The following CEP112 variants were observed in gnomAD, a reference collection of about 807,000 sequenced individuals.
CEP112 encodes centrosomal protein 112, also known as centrosomal protein of 112 kDa.
In CEP112, 127 loss-of-function variants were observed where a neutral mutation model predicts 153.0. The ratio of observed to expected loss-of-function variants is 0.83; its 90% CI spans 0.72 to 0.96. The LOEUF is 0.96. Ranked by LOEUF, CEP112 falls within the 40% of genes least tolerant of loss-of-function variation. The pLI, the probability that CEP112 is intolerant of heterozygous loss-of-function variation, is 0.00. For missense variants in CEP112, 1,089 were observed against 1,101.2 expected (o/e 0.99, Z 0.16); for synonymous variants, 358 against 374.4 (o/e 0.96, Z 0.51).
chr17:65,828,010 A>C (rs930389971), intron 21 of CEP112, among the ~76,000 whole-genome samples: 3 of 152,206 alleles, frequency 2.0e-5, no homozygotes, highest in Non-Finnish European at 4.4e-5. Context: ...ACACTTAAAA[A>C]AATTCTATAT....
At chr17:65,922,805 C>A (rs2060781768) in intron 19 of CEP112, among the ~76,000 whole-genome samples, 1 of 152,066 alleles carries the variant, frequency 6.6e-6, no homozygotes, top group Non-Finnish European at 1.5e-5. Flanking sequence ...ACAAAATTAC[C>A]TCAATTATAC....
chr17:65,650,035 C>T (rs548342332), intron 24 of CEP112, among the ~76,000 whole-genome samples: 2 of 152,344 alleles, frequency 1.3e-5, no homozygotes, highest in East Asian at 1.9e-4. Flanking sequence ...CACCTGCTAA[C>T]CTCCTGCAAC....
chr17:65,668,996 C>T (rs1370889978), intron 24 of CEP112, among the ~76,000 whole-genome samples: 1 of 152,182 alleles, frequency 6.6e-6, no homozygotes, highest in African/African-American at 2.4e-5. Context: ...TAATGTGTGA[C>T]AATTTCAACG....
At chr17:65,821,490 A>G (rs894971994) in intron 21 of CEP112, among the ~76,000 whole-genome samples, 1 of 131,328 alleles carries the variant, frequency 7.6e-6, no homozygotes, top group African/African-American at 2.9e-5. Flanking sequence ...AAACTTATAT[A>G]TATAATTATA....
In CEP112 at chr17:66,183,181, A is replaced by C. The variant is rs564890959; in HGVS notation, c.106+13T>G. ...ATTAATCTTAAGAATCTAATCTTCA[A>C]ACATAATCTTACCTGTCCTATGAGG... On this transcript the variant is annotated intron_variant, in intron 2 of 26. Coordinates refer to ENST00000535342, the MANE Select transcript of CEP112 (RefSeq NM_001199165.4). The C allele has an allele frequency of 6.6e-7, 1 of 1,516,300 alleles. No homozygotes were observed. The allele number at this position is 1,516,300 out of a possible 1,614,324, so 93.9% of individuals were successfully genotyped here.
Position 66,129,790 on chromosome 17 carries a change from C to G in CEP112, c.598G>C (p.Asp200His). The change falls in exon 6 of 27, where the codon GAT (aspartate) becomes CAT (histidine). Residue 200 changes from aspartate (D) to histidine (H), a missense_variant. Physicochemically the swap from Asp to His is moderately conservative, Grantham distance 81 (BLOSUM62 -1). Coordinates refer to ENST00000535342, the MANE Select transcript of CEP112 (RefSeq NM_001199165.4). ...VYSKKSPVSL[D>H]DSDIEARLNS... ...AGGCGAGCTTCAATGTCACTATCATCCAAAGAAACAGGAGATTTTTTCGAA... is the reference window on the plus strand; with the variant it reads ...AGGCGAGCTTCAATGTCACTATCATGCAAAGAAACAGGAGATTTTTTCGAA... 6.2e-7 allele frequency: 1 copy of G among 1,611,874 alleles called. No homozygotes were observed. The highest frequency in any genetic ancestry group is 8.5e-7 in the Non-Finnish European group (1 of 1,179,094).
intron 24 of CEP112, among the ~76,000 whole-genome samples, chr17:65,643,902 A>G (rs1158022704): frequency 6.6e-6 from 1 of 152,230 alleles, no homozygotes; most frequent in Non-Finnish European, 1.5e-5. Context: ...CAGAGCTGCC[A>G]GCTTGGGGTA....
intron 25 of CEP112, among the ~76,000 whole-genome samples, chr17:65,637,717 GTTAT>G (rs1230212260): frequency 1.3e-5 from 2 of 152,180 alleles, no homozygotes; most frequent in Admixed American, 6.5e-5. Flanking sequence ...CTGCTTTGTG[GTTAT>G]TTGTTTTCAT....
intron 23 of CEP112, among the ~76,000 whole-genome samples, chr17:65,697,047 T>G (rs1327205592): frequency 6.6e-6 from 1 of 152,228 alleles, no homozygotes; most frequent in African/African-American, 2.4e-5. Context: ...GAGGAAGGCC[T>G]ATTTTTATTT....
chr17:66,188,019 C>T (rs2073001710), intron 1 of CEP112, among the ~76,000 whole-genome samples: 1 of 152,044 alleles, frequency 6.6e-6, no homozygotes, highest in Non-Finnish European at 1.5e-5. Flanking sequence ...TCCCTATTCT[C>T]ACTGCCACGA....
chr17:65,861,714 T>C (rs191954298), intron 20 of CEP112, among the ~76,000 whole-genome samples: 1 of 152,292 alleles, frequency 6.6e-6, no homozygotes, highest in African/African-American at 2.4e-5. Context: ...ATCACCATAT[T>C]TGCAAAACTC....
intron 20 of CEP112, among the ~76,000 whole-genome samples, chr17:65,874,055 T>C (rs553248467): frequency 4.6e-5 from 7 of 152,206 alleles, no homozygotes; most frequent in South Asian, 2.1e-4. Context: ...ATTATATGTA[T>C]GCATATGTGT....
intron 17 of CEP112, among the ~76,000 whole-genome samples, chr17:65,993,169 C>G (rs2063659466): frequency 6.6e-6 from 1 of 152,196 alleles, no homozygotes; most frequent in South Asian, 2.1e-4. Flanking sequence ...TCAGTTCCCA[C>G]TTATAAGTGA....
intron 12 of CEP112, among the ~76,000 whole-genome samples, chr17:66,035,715 G>A (rs6504394): frequency 0.51 from 78,281 of 152,048 alleles, 21,088 homozygotes; most frequent in African/African-American, 0.59. Flanking sequence ...ATGGTGAATA[G>A]GAGATGGGAC....
At chr17:65,861,649 C>G (rs896003125) in intron 20 of CEP112, among the ~76,000 whole-genome samples, 2 of 152,122 alleles carry the variant, frequency 1.3e-5, no homozygotes, top group East Asian at 1.9e-4. Flanking sequence ...AAAAGGTGCC[C>G]AACTTCATTA....
chr17:66,058,087 TA>T (rs67980104), intron 11 of CEP112, among the ~76,000 whole-genome samples: 8,025 of 148,140 alleles, frequency 0.054, 280 homozygotes, highest in African/African-American at 0.089. Flanking sequence ...GGCAAGACTC[TA>T]AAAAAAACAA....
In CEP112 at chr17:66,097,177, C is replaced by A. The variant is rs776829776; in HGVS notation, c.643-545G>T. Reference sequence around the variant, plus strand: ...AGATTCATCTATCTTCACCATACCCCACATTCCAAGGACACCAGACAATTT... The same window carrying A: ...AGATTCATCTATCTTCACCATACCCAACATTCCAAGGACACCAGACAATTT... On this transcript the variant is annotated intron_variant, in intron 6 of 26. Transcript: ENST00000535342. 1.3e-5 allele frequency among the ~76,000 whole-genome samples: 2 copies of A among 152,196 alleles called. 1 individual carries two copies. Among genetic ancestry groups the A allele is most frequent in the Non-Finnish European group, 2.9e-5 (2 of 68,034 alleles).
chr17:65,689,865 G>C (rs1357098464), intron 23 of CEP112, among the ~76,000 whole-genome samples: 1 of 152,034 alleles, frequency 6.6e-6, no homozygotes, highest in Admixed American at 6.6e-5. Flanking sequence ...GTAAAGAGAT[G>C]AACTAGAAAA....
At chr17:66,190,598 G>A (rs1374434160) in intron 1 of CEP112, among the ~76,000 whole-genome samples, 1 of 152,206 alleles carries the variant, frequency 6.6e-6, no homozygotes, top group Non-Finnish European at 1.5e-5. Context: ...CTGGGCCACA[G>A]AGCAAGACTG....
Sources: allele counts gnomAD v4.1 joint callset (sites outside exome capture counted in the v4.1 genomes callset), GRCh38; gene constraint gnomAD v4.1.1; transcripts MANE v1.5; gene names NCBI Gene and HGNC (gene_info 2026-07-23, HGNC 2026-07-21).